SPSB4: variants seen among roughly 807,000 people sequenced by gnomAD.
The protein encoded by SPSB4 is SPRY domain-containing SOCS box protein 4.
In SPSB4, 21 loss-of-function variants were observed where a neutral mutation model predicts 20.9. That is an observed-to-expected ratio of 1.01 (90% CI 0.71 to 1.45). The LOEUF (loss-of-function observed/expected upper bound fraction) is 1.45, where lower values mean the gene tolerates loss of function less well. SPSB4 is among the 40% of genes most tolerant of loss of function. The probability of loss-of-function intolerance (pLI) is 0.00; values close to 1 mark genes in which losing one functional copy is unlikely to be tolerated. For synonymous variants in SPSB4, 207 were observed against 183.8 expected (o/e 1.13, Z -1.02); for missense variants, 399 against 399.2 (o/e 1.00, Z 0.00).
At chr3:141,068,349 A>C (rs967929060) in intron 2 of SPSB4, among the ~76,000 whole-genome samples, 3 of 152,244 alleles carry the variant, frequency 2.0e-5, no homozygotes, top group Admixed American at 6.5e-5. Flanking sequence ...GGGCTAATTT[A>C]GTCATCACAG....
intron 2 of SPSB4, among the ~76,000 whole-genome samples, chr3:141,138,298 T>C (rs1339128478): frequency 6.6e-6 from 1 of 152,230 alleles, no homozygotes; most frequent in Non-Finnish European, 1.5e-5. Context: ...CCTGGATTCA[T>C]TGATTTTTTG....
chr3:141,146,519 G>C (rs1939414837), intron 2 of SPSB4, among the ~76,000 whole-genome samples: 1 of 152,190 alleles, frequency 6.6e-6, no homozygotes, highest in Non-Finnish European at 1.5e-5. Flanking sequence ...GCTCACGCCT[G>C]TAATCCCAGC....
intron 2 of SPSB4, among the ~76,000 whole-genome samples, chr3:141,100,857 G>T (rs1195637615): frequency 6.6e-6 from 1 of 152,106 alleles, no homozygotes; most frequent in Non-Finnish European, 1.5e-5. Context: ...AGAAGGGAGG[G>T]TGCCCTGGTA....
In SPSB4 at chr3:141,081,330, C is replaced by G. The variant is rs1361946940; in HGVS notation, c.694+14532C>G. Among the ~76,000 whole-genome samples, 2 of 152,322 alleles carry G rather than the reference C, an allele frequency of 1.3e-5. 1 individual carries two copies. The highest frequency in any genetic ancestry group is 4.1e-4 in the South Asian group (2 of 4,822). ...ATTCCGACCGCGGCTCAAAGTTCTA[C>G]TGGATGGGGCTGCTTTAGAGCCACT... On this transcript the variant is annotated intron_variant, in intron 2 of 2. Transcript: ENST00000310546.
intron 1 of SPSB4, among the ~76,000 whole-genome samples, chr3:141,063,370 G>A (rs1022255521): frequency 6.6e-6 from 1 of 151,818 alleles, no homozygotes; most frequent in African/African-American, 2.4e-5. Flanking sequence ...TCAATATTTC[G>A]GTCTTAGTTT....
At chr3:141,121,172 G>C (rs561394938) in intron 2 of SPSB4, among the ~76,000 whole-genome samples, 1 of 152,190 alleles carries the variant, frequency 6.6e-6, no homozygotes, top group East Asian at 1.9e-4. Context: ...CACTTATGAA[G>C]CTTAGTTTGG....
At chr3:141,075,565 CCTT>C (rs1318635584) in intron 2 of SPSB4, among the ~76,000 whole-genome samples, 3 of 152,112 alleles carry the variant, frequency 2.0e-5, no homozygotes, top group Admixed American at 6.5e-5. Context: ...CACCTGGTGA[CCTT>C]CTTAAAATGC....
At position 141,051,474 on chromosome 3, in the gene SPSB4, G is replaced by T. The variant is rs1354814106; in HGVS notation, c.-672G>T. 6.5e-6 allele frequency: 1 copy of T among 153,190 alleles called. No individual in the cohort carries two copies. Among genetic ancestry groups the T allele is most frequent in the African/African-American group, 2.4e-5 (1 of 41,338 alleles). The allele number at this position is 153,190 out of a possible 1,614,324, so 9.5% of individuals were successfully genotyped here. A position where few individuals can be genotyped will look rare whatever the true frequency, so the allele number is the denominator to read the frequency against. On this transcript the variant is annotated 5_prime_UTR_variant, in exon 1 of 3. Transcript: ENST00000310546. ...GGCCGTGGCGGCCGGCGCGCCCCGC[G>T]CACAAAAGCACCCAGCCCCAGGGGA...
chr3:141,095,496 A>G (rs1263517555), intron 2 of SPSB4, among the ~76,000 whole-genome samples: 1 of 151,964 alleles, frequency 6.6e-6, no homozygotes, highest in Non-Finnish European at 1.5e-5. Flanking sequence ...TGGTGTTGTC[A>G]AAAGTCATAT....
At chr3:141,088,200 T>C (rs1938386949) in intron 2 of SPSB4, among the ~76,000 whole-genome samples, 1 of 152,176 alleles carries the variant, frequency 6.6e-6, no homozygotes. Flanking sequence ...CTGTTAGTGC[T>C]GGCTTCAAGG....
chr3:141,091,220 G>A (rs1938443843), intron 2 of SPSB4, among the ~76,000 whole-genome samples: 1 of 152,214 alleles, frequency 6.6e-6, no homozygotes, highest in African/African-American at 2.4e-5. Flanking sequence ...AAGGAGGGTG[G>A]CTACTGAAGA....
At chr3:141,138,562 A>T (rs1394056718) in intron 2 of SPSB4, among the ~76,000 whole-genome samples, 1 of 152,160 alleles carries the variant, frequency 6.6e-6, no homozygotes, top group Non-Finnish European at 1.5e-5. Context: ...TTCAAAGAAC[A>T]TCTTTATTTC....
At chr3:141,074,527 A>T (rs974608483) in intron 2 of SPSB4, among the ~76,000 whole-genome samples, 1 of 152,258 alleles carries the variant, frequency 6.6e-6, no homozygotes, top group Non-Finnish European at 1.5e-5. Context: ...TCTAAGATAC[A>T]TGATGGAAAT....
At chr3:141,059,809 G>A (rs72978071) in intron 1 of SPSB4, among the ~76,000 whole-genome samples, 1,747 of 151,996 alleles carry the variant, frequency 0.011, 49 homozygotes, top group African/African-American at 0.04. Flanking sequence ...ACCACTTACT[G>A]GAAGCCCTGT....
chr3:141,059,223 C>A (rs892296316), intron 1 of SPSB4, among the ~76,000 whole-genome samples: 2 of 152,162 alleles, frequency 1.3e-5, no homozygotes, highest in African/African-American at 4.8e-5. Context: ...TGGAGCTCAC[C>A]CTCATGGACT....
chr3:141,081,123 T>C (rs945954181), intron 2 of SPSB4, among the ~76,000 whole-genome samples: 2 of 152,224 alleles, frequency 1.3e-5, no homozygotes, highest in Non-Finnish European at 2.9e-5. Flanking sequence ...CTTTACACTG[T>C]GGTGCTACAT....
chr3:141,108,642 A>T (rs569470007), intron 2 of SPSB4, among the ~76,000 whole-genome samples: 1 of 152,346 alleles, frequency 6.6e-6, no homozygotes, highest in East Asian at 1.9e-4. Context: ...CCCCTAGTTT[A>T]TCGGGTAGCC....
intron 1 of SPSB4, among the ~76,000 whole-genome samples, chr3:141,057,386 A>G (rs1457460744): frequency 2.6e-5 from 4 of 152,244 alleles, no homozygotes; most frequent in African/African-American, 9.6e-5. Context: ...AGAGTCAAAA[A>G]TTGAAAAATA....
chr3:141,103,659 C>T (rs1319883172), intron 2 of SPSB4, among the ~76,000 whole-genome samples: 1 of 152,150 alleles, frequency 6.6e-6, no homozygotes. Context: ...CAGAGACAGG[C>T]ACACCAGCCG....
Sources: allele counts gnomAD v4.1 joint callset (sites outside exome capture counted in the v4.1 genomes callset), GRCh38; gene constraint gnomAD v4.1.1; transcripts MANE v1.5; gene names NCBI Gene and HGNC (gene_info 2026-07-23, HGNC 2026-07-21).